CTNNA3: variants seen among roughly 807,000 people sequenced by gnomAD.
CTNNA3 encodes the protein catenin alpha-3.
Under a neutral mutation model 95.7 loss-of-function variants are expected in CTNNA3, and 76 were observed. The observed-to-expected ratio is 0.79, with a 90% CI of 0.66 to 0.96. The LOEUF is 0.96. Ranked by LOEUF, CTNNA3 falls within the 40% of genes least tolerant of loss-of-function variation. The probability of loss-of-function intolerance (pLI) is 0.00; values close to 1 mark genes in which losing one functional copy is unlikely to be tolerated. For synonymous variants in CTNNA3, 431 were observed against 374.4 expected, an observed-to-expected ratio of 1.15 and a Z score of -1.74; for missense variants, 1,191 against 1,089.8, an observed-to-expected ratio of 1.09 and a Z score of -1.31.
intron 5 of CTNNA3, among the ~76,000 whole-genome samples, chr10:67,231,937 G>T (rs1470453195): frequency 6.6e-6 from 1 of 152,168 alleles, no homozygotes; most frequent in Non-Finnish European, 1.5e-5. Context: ...TGAATGAAAT[G>T]AAGTGAGAAG....
intron 9 of CTNNA3, among the ~76,000 whole-genome samples, chr10:66,691,869 T>C (rs1057131429): frequency 6.6e-6 from 1 of 152,110 alleles, no homozygotes; most frequent in Non-Finnish European, 1.5e-5. Flanking sequence ...AGTGGACCTC[T>C]AGCAAACTCC....
At chr10:66,722,556 G>A (rs569846121) in intron 9 of CTNNA3, among the ~76,000 whole-genome samples, 168 of 151,662 alleles carry the variant, frequency 1.1e-3, no homozygotes, top group Non-Finnish European at 1.4e-3. Context: ...ACAAAGTCAG[G>A]TTTATCAACT....
intron 2 of CTNNA3, among the ~76,000 whole-genome samples, chr10:67,633,170 G>T (rs1444517955): frequency 6.6e-6 from 1 of 152,046 alleles, no homozygotes; most frequent in African/African-American, 2.4e-5. Context: ...CACAGGGTGG[G>T]ACCTCCCTGT....
intron 7 of CTNNA3, among the ~76,000 whole-genome samples, chr10:67,166,707 A>T (rs1441350324): frequency 6.6e-6 from 1 of 152,206 alleles, no homozygotes; most frequent in Admixed American, 6.5e-5. Flanking sequence ...GGTAATTCAG[A>T]TCCTTTATGT....
At chr10:66,964,945 TA>T (rs1240873004) in intron 7 of CTNNA3, among the ~76,000 whole-genome samples, 1 of 152,194 alleles carries the variant, frequency 6.6e-6, no homozygotes, top group Non-Finnish European at 1.5e-5. Context: ...CATTTTGGAA[TA>T]ATAGAAAATT....
At chr10:67,201,853 G>A (rs907259297) in intron 6 of CTNNA3, among the ~76,000 whole-genome samples, 1 of 152,096 alleles carries the variant, frequency 6.6e-6, no homozygotes, top group Non-Finnish European at 1.5e-5. Context: ...GAAGTATAAG[G>A]TACCTTGTTC....
intron 7 of CTNNA3, among the ~76,000 whole-genome samples, chr10:66,821,183 C>T (rs983486458): frequency 2.6e-5 from 4 of 151,968 alleles, no homozygotes; most frequent in East Asian, 1.9e-4. Context: ...GTGATTATGA[C>T]GTATTTGAAA....
intron 10 of CTNNA3, among the ~76,000 whole-genome samples, chr10:66,604,141 G>A (rs191258253): frequency 1.2e-3 from 185 of 152,120 alleles, no homozygotes; most frequent in African/African-American, 4.1e-3. Context: ...AAAGTAAAGC[G>A]ACAACCTACA....
chr10:66,557,601 A>G (rs1188216942), intron 10 of CTNNA3, among the ~76,000 whole-genome samples: 5 of 152,080 alleles, frequency 3.3e-5, no homozygotes, highest in Non-Finnish European at 2.9e-5. Flanking sequence ...GTTTCTCTCA[A>G]TATCCCATCT....
chr10:65,971,598 C>G (rs1428506818), intron 16 of CTNNA3, among the ~76,000 whole-genome samples: 1 of 151,814 alleles, frequency 6.6e-6, no homozygotes, highest in Non-Finnish European at 1.5e-5. Flanking sequence ...CTGAAACACA[C>G]AATCCTCCAA....
At chr10:66,515,162 G>T (rs7914790) in intron 11 of CTNNA3, among the ~76,000 whole-genome samples, 4,830 of 151,900 alleles carry the variant, frequency 0.032, 258 homozygotes, top group African/African-American at 0.11. Flanking sequence ...ATTTTTATTT[G>T]TATTTACATT....
chr10:66,927,941 G>A lies in CTNNA3; in HGVS notation c.1048-152417C>T, dbSNP rs1847164181. 1 of 1,614,216 alleles carries A rather than the reference G, an allele frequency of 6.2e-7. No individual in the cohort carries two copies. On this transcript the variant is annotated intron_variant, in intron 7 of 17. Transcript: ENST00000433211. This position sits in a 1 kb window ranked among gnomAD's most constrained non-coding sequence, Gnocchi z 4.7. ...AGGGAGAATACAATTATCTGTGCCAGTCCCAAAGAGCTGCAAGGAGTAAAT... is the reference window on the plus strand; with the variant it reads ...AGGGAGAATACAATTATCTGTGCCAATCCCAAAGAGCTGCAAGGAGTAAAT...
intron 7 of CTNNA3, among the ~76,000 whole-genome samples, chr10:67,021,461 C>T (rs1051970098): frequency 6.6e-6 from 1 of 151,738 alleles, no homozygotes; most frequent in African/African-American, 2.4e-5. Context: ...ACCGTTCATA[C>T]AAAGAGTCAC....
chr10:65,988,378 A>G (rs2133324685), intron 16 of CTNNA3, among the ~76,000 whole-genome samples: 1 of 152,240 alleles, frequency 6.6e-6, no homozygotes, highest in East Asian at 1.9e-4. Flanking sequence ...AAAGAAATAT[A>G]ATGTATCAAC....
At chr10:66,703,583 T>C (rs1248113540) in intron 9 of CTNNA3, among the ~76,000 whole-genome samples, 2 of 152,082 alleles carry the variant, frequency 1.3e-5, no homozygotes, top group Non-Finnish European at 2.9e-5. Flanking sequence ...AATCAGAAAA[T>C]ATGTCCGTGG....
At chr10:67,045,631 T>G (rs1452527982) in intron 7 of CTNNA3, among the ~76,000 whole-genome samples, 1 of 152,214 alleles carries the variant, frequency 6.6e-6, no homozygotes, top group East Asian at 1.9e-4. Flanking sequence ...CAGACCCCGT[T>G]TCCCAGGACT....
chr10:67,004,587 T>C (rs1279763282), intron 7 of CTNNA3, among the ~76,000 whole-genome samples: 2 of 152,172 alleles, frequency 1.3e-5, no homozygotes, highest in African/African-American at 4.8e-5. Flanking sequence ...GCCTGTAACC[T>C]TGATCCGTTC....
intron 7 of CTNNA3, among the ~76,000 whole-genome samples, chr10:67,031,720 C>T (rs534749922): frequency 5.4e-4 from 82 of 152,138 alleles, no homozygotes; most frequent in Middle Eastern, 6.8e-3. Flanking sequence ...CCTTAGTTTC[C>T]GCTCAAAGAT....
chr10:66,638,476 G>C (rs1160933030), intron 9 of CTNNA3, among the ~76,000 whole-genome samples: 1 of 152,090 alleles, frequency 6.6e-6, no homozygotes, highest in Admixed American at 6.6e-5. Context: ...CTTCTGGGCG[G>C]GGGCAGGCAA....
Sources: allele counts gnomAD v4.1 joint callset (sites outside exome capture counted in the v4.1 genomes callset), GRCh38; gene constraint gnomAD v4.1.1; non-coding constraint Gnocchi (gnomAD v3.1); transcripts MANE v1.5; gene names NCBI Gene and HGNC (gene_info 2026-07-23, HGNC 2026-07-21).